OTUD7A: variants seen among roughly 807,000 people sequenced by gnomAD.
OTUD7A encodes OTU deubiquitinase 7A, also known as OTU domain-containing protein 7A.
In OTUD7A, 12 loss-of-function variants were observed where a neutral mutation model predicts 65.7. That is an observed-to-expected ratio of 0.18 (90% CI 0.12 to 0.30). OTUD7A has a LOEUF of 0.30. Ranked by LOEUF, OTUD7A falls within the 10% of genes least tolerant of loss-of-function variation. The pLI is 1.00. For missense variants in OTUD7A, 1,148 were observed against 1,304.8 expected (o/e 0.88, Z 1.85); for synonymous variants, 641 against 586.3 (o/e 1.09, Z -1.35).
intron 8 of OTUD7A, among the ~76,000 whole-genome samples, chr15:31,523,813 A>G (rs1285870751): frequency 6.6e-6 from 1 of 152,242 alleles, no homozygotes. Context: ...AAGGCAGAGC[A>G]ACTGTGCTTG....
intron 1 of OTUD7A, among the ~76,000 whole-genome samples, chr15:31,812,027 C>T (rs372184904): frequency 5.9e-5 from 9 of 152,232 alleles, no homozygotes; most frequent in African/African-American, 2.2e-4. Context: ...CCAGCCTTCC[C>T]AGGGATGGGG....
chr15:31,753,407 C>T (rs1455988821), intron 1 of OTUD7A, among the ~76,000 whole-genome samples: 1 of 151,880 alleles, frequency 6.6e-6, no homozygotes, highest in African/African-American at 2.4e-5. Context: ...ATCACCCAGG[C>T]AGTATACACT....
chr15:31,762,149 T>C (rs1894981795), intron 1 of OTUD7A, among the ~76,000 whole-genome samples: 1 of 152,246 alleles, frequency 6.6e-6, no homozygotes, highest in Non-Finnish European at 1.5e-5. Context: ...ATGTGAATTA[T>C]ATCTCAACCA....
At chr15:31,584,277 A>G (rs1889461296) in intron 3 of OTUD7A, among the ~76,000 whole-genome samples, 1 of 152,250 alleles carries the variant, frequency 6.6e-6, no homozygotes, top group South Asian at 2.1e-4. Context: ...CTGATGAATT[A>G]CACAAGTTTA....
chr15:31,491,798 T>C (rs1045473839), intron 10 of OTUD7A, among the ~76,000 whole-genome samples: 3 of 151,570 alleles, frequency 2.0e-5, no homozygotes, highest in Admixed American at 6.6e-5. Context: ...AAAACAAAGG[T>C]ACAAATTACA....
intron 3 of OTUD7A, among the ~76,000 whole-genome samples, chr15:31,639,494 T>C (rs1891448994): frequency 2.0e-5 from 3 of 148,950 alleles, no homozygotes; most frequent in East Asian, 3.9e-4. Flanking sequence ...AGCTTTGCTA[T>C]GGGCAAAGGC....
chr15:31,731,627 C>T (rs550287600), intron 1 of OTUD7A, among the ~76,000 whole-genome samples: 53 of 152,274 alleles, frequency 3.5e-4, no homozygotes, highest in African/African-American at 1.3e-3. Context: ...ATGGTAGATG[C>T]ATGTCATTAT....
chr15:31,576,206 A>T (rs932181037), intron 3 of OTUD7A, among the ~76,000 whole-genome samples: 1 of 152,196 alleles, frequency 6.6e-6, no homozygotes, highest in Non-Finnish European at 1.5e-5. Context: ...CAGAGCCCTA[A>T]AACAGTTCTG....
At chr15:31,835,083 C>A (rs893250766) in intron 1 of OTUD7A, among the ~76,000 whole-genome samples, 10 of 152,230 alleles carry the variant, frequency 6.6e-5, no homozygotes, top group African/African-American at 2.4e-4. Context: ...GCCTGTTCAT[C>A]TGCCAGGAAA....
rs562573073 is a variant in OTUD7A, at chr15:31,794,296, A to G, written c.-100+76211T>C. The stretch of plus-strand genomic sequence containing the variant: ...TACATCAGGACCACCATTTTCAATC[A>G]CTATAGATTTGCAGTATGCAGTATG... On this transcript the variant is annotated intron_variant, in intron 1 of 12. Coordinates refer to ENST00000307050, the MANE Select transcript of OTUD7A (RefSeq NM_001382637.1). Among the ~76,000 whole-genome samples the G allele has an allele frequency of 3.3e-5, 5 of 152,288 alleles. No homozygotes were observed. The South Asian group carries it at 1.0e-3, about 32-fold the overall frequency.
At chr15:31,593,481 G>A (rs1034661365) in intron 3 of OTUD7A, among the ~76,000 whole-genome samples, 3 of 152,086 alleles carry the variant, frequency 2.0e-5, no homozygotes, top group Admixed American at 2.0e-4. Context: ...GGCTCTCCGT[G>A]GCGAAAACTC....
chr15:31,590,404 T>C (rs1316811930), intron 3 of OTUD7A, among the ~76,000 whole-genome samples: 3 of 152,228 alleles, frequency 2.0e-5, no homozygotes, highest in Non-Finnish European at 2.9e-5. Flanking sequence ...TTATTGTATA[T>C]GTGTGTATGT....
intron 5 of OTUD7A, among the ~76,000 whole-genome samples, chr15:31,553,268 T>C (rs1005557809): frequency 6.6e-6 from 1 of 152,136 alleles, no homozygotes; most frequent in African/African-American, 2.4e-5. Flanking sequence ...CTCCTTCTTC[T>C]GTTCCTCAGC....
intron 1 of OTUD7A, among the ~76,000 whole-genome samples, chr15:31,802,451 T>C (rs1389464845): frequency 2.0e-5 from 3 of 152,162 alleles, no homozygotes; most frequent in Non-Finnish European, 1.5e-5. Context: ...CTGACTCAAA[T>C]GTTAATCTCC....
intron 1 of OTUD7A, among the ~76,000 whole-genome samples, chr15:31,678,399 T>G (rs891739730): frequency 6.6e-5 from 10 of 152,014 alleles, no homozygotes; most frequent in Non-Finnish European, 1.0e-4. Flanking sequence ...ACCAAGATAA[T>G]GGGGAAAATG....
intron 1 of OTUD7A, among the ~76,000 whole-genome samples, chr15:31,716,791 G>T (rs1425462422): frequency 2.0e-5 from 3 of 151,916 alleles, no homozygotes; most frequent in African/African-American, 7.3e-5. Context: ...ACGGACAAAG[G>T]GAGGAGGCTG....
At chr15:31,763,418 T>C (rs1895022572) in intron 1 of OTUD7A, among the ~76,000 whole-genome samples, 1 of 151,942 alleles carries the variant, frequency 6.6e-6, no homozygotes, top group Non-Finnish European at 1.5e-5. Flanking sequence ...TTTAGATGGG[T>C]TAAATGGCAG....
intron 3 of OTUD7A, among the ~76,000 whole-genome samples, chr15:31,589,458 G>T (rs1479226705): frequency 9.8e-5 from 13 of 133,094 alleles, no homozygotes; most frequent in African/African-American, 4.2e-4. Flanking sequence ...CACTGTCCTG[G>T]GCTTGTTTTT....
At chr15:31,770,724 T>C (rs1895212257) in intron 1 of OTUD7A, among the ~76,000 whole-genome samples, 1 of 152,240 alleles carries the variant, frequency 6.6e-6, no homozygotes. Context: ...AATTTGAATT[T>C]ATTCCAGTAA....
Sources: gnomAD v4.1 joint callset for allele counts (sites outside exome capture counted in the v4.1 genomes callset) on GRCh38, gnomAD v4.1.1 for gene constraint, MANE v1.5 for transcripts, NCBI Gene and HGNC (gene_info 2026-07-23, HGNC 2026-07-21) for gene names.